GRIP1: variants seen among roughly 807,000 people sequenced by gnomAD.
GRIP1 encodes the protein glutamate receptor-interacting protein 1.
GRIP1 carries 45 observed loss-of-function variants against 129.9 expected under a neutral mutation model. That is an observed-to-expected ratio of 0.35 (90% CI 0.27 to 0.44). The LOEUF is 0.44. GRIP1 is among the 20% of genes least tolerant of loss of function. GRIP1 has a pLI of 1.00. For missense variants in GRIP1, 1,196 were observed against 1,396.8 expected (o/e 0.86, Z 2.29); for synonymous variants, 530 against 520.8 (o/e 1.02, Z -0.24).
chr12:66,723,285 T>TTCC, intron 1 of GRIP1, among the ~76,000 whole-genome samples: 1 of 22,236 alleles, frequency 4.5e-5, no homozygotes, highest in Non-Finnish European at 6.5e-5. Context: ...CCTTCCTTCC[T>TTCC]TTCTTTCTTT....
chr12:66,383,019 G>A (rs1273573319), intron 19 of GRIP1, among the ~76,000 whole-genome samples: 1 of 152,064 alleles, frequency 6.6e-6, no homozygotes, highest in Non-Finnish European at 1.5e-5. Flanking sequence ...AGTACATGGT[G>A]GGCACAGTGG....
At chr12:66,444,268 T>C (rs967285680) in intron 13 of GRIP1, among the ~76,000 whole-genome samples, 2 of 151,194 alleles carry the variant, frequency 1.3e-5, no homozygotes, top group South Asian at 2.1e-4. Flanking sequence ...GGGTGGATCA[T>C]GAGGTCAGGA....
At chr12:66,625,913 G>A (rs1156701354) in intron 1 of GRIP1, among the ~76,000 whole-genome samples, 4 of 152,104 alleles carry the variant, frequency 2.6e-5, no homozygotes, top group Non-Finnish European at 5.9e-5. Context: ...CAGAGTGGGA[G>A]AGAGGAAGCA....
intron 9 of GRIP1, among the ~76,000 whole-genome samples, chr12:66,460,209 G>A (rs546425473): frequency 3.9e-4 from 59 of 152,262 alleles, no homozygotes; most frequent in African/African-American, 1.3e-3. Context: ...CTCTTCCTAT[G>A]GGTATGTCTA....
rs748398117 is a variant in GRIP1, at chr12:66,462,913, G to T, written c.1042+11C>A. 14 of 1,609,280 alleles carry T rather than the reference G, an allele frequency of 8.7e-6. No homozygotes were observed. In the East Asian group the frequency reaches 2.7e-4, roughly 31 times the overall value. On this transcript the variant is annotated intron_variant, in intron 9 of 24. Coordinates refer to ENST00000359742, the MANE Select transcript of GRIP1 (RefSeq NM_001366722.1). ...CCAGAGAAAGAGCTTGATCCAGGTG[G>T]ACCATCTCACCATGGTCGGGCCCCT...
At chr12:66,853,915 C>A (rs532691022) in intron 1 of GRIP1, among the ~76,000 whole-genome samples, 1 of 151,996 alleles carries the variant, frequency 6.6e-6, no homozygotes, top group Admixed American at 6.6e-5. Context: ...AGAATAGATA[C>A]TAAAAATAGG....
intron 1 of GRIP1, among the ~76,000 whole-genome samples, chr12:66,612,106 T>A (rs769042260): frequency 3.3e-5 from 5 of 152,190 alleles, no homozygotes; most frequent in African/African-American, 1.2e-4. Flanking sequence ...ATATAATGCA[T>A]ATAATGACCT....
At position 66,778,434 on chromosome 12, in the gene GRIP1, G is replaced by C. The variant is rs927504859; in HGVS notation, c.-420+25619C>G. ...TATGATCCCCTACAATATTATAGTG[G>C]AAATTAAAGGAGATAAATGCATATA... On this transcript the variant is annotated intron_variant, in intron 1 of 4. Transcript: ENST00000538373. 8.5e-5 allele frequency among the ~76,000 whole-genome samples: 13 copies of C among 152,082 alleles called. 1 individual carries two copies.
At chr12:66,580,094 G>A (rs1172774002) in intron 2 of GRIP1, among the ~76,000 whole-genome samples, 2 of 148,824 alleles carry the variant, frequency 1.3e-5, no homozygotes, top group African/African-American at 5.0e-5. Context: ...GACAGTGGGG[G>A]CCAATATTCA....
At chr12:66,587,209 G>A (rs1264572184) in intron 2 of GRIP1, among the ~76,000 whole-genome samples, 1 of 152,062 alleles carries the variant, frequency 6.6e-6, no homozygotes, top group Non-Finnish European at 1.5e-5. Context: ...CTGCCTTCAG[G>A]GACTTTGCAT....
Position 67,013,206 on chromosome 12 carries a change from C to T in GRIP1, c.58+55844G>A, listed in dbSNP as rs545534231. ...ACACAATAGACTTGCCATTTCCATA[C>T]AGAAATACTTACATAAAAATAGGCA... On this transcript the variant is annotated intron_variant, in intron 1 of 1. Transcript: ENST00000643019. 4.6e-5 allele frequency among the ~76,000 whole-genome samples: 7 copies of T among 152,224 alleles called. No individual in the cohort carries two copies. In the East Asian group the frequency reaches 9.6e-4, roughly 21 times the overall value.
chr12:66,918,098 G>A (rs1174218061), intron 1 of GRIP1, among the ~76,000 whole-genome samples: 1 of 151,236 alleles, frequency 6.6e-6, no homozygotes, highest in Non-Finnish European at 1.5e-5. Context: ...AGATCTGCAA[G>A]GTAAGTTGGT....
At chr12:66,958,005 ATATT>A (rs1167748161) in intron 1 of GRIP1, among the ~76,000 whole-genome samples, 1 of 151,976 alleles carries the variant, frequency 6.6e-6, no homozygotes, top group Non-Finnish European at 1.5e-5. Flanking sequence ...ACACTCATAA[ATATT>A]TATTATATAT....
At chr12:66,799,035 G>T (rs2038782779) in intron 1 of GRIP1, among the ~76,000 whole-genome samples, 1 of 152,134 alleles carries the variant, frequency 6.6e-6, no homozygotes, top group African/African-American at 2.4e-5. Flanking sequence ...AGGGAGTCTG[G>T]CTGCTATTCC....
intron 23 of GRIP1, among the ~76,000 whole-genome samples, chr12:66,371,287 T>TAGCTG (rs1347517981): frequency 6.6e-6 from 1 of 151,808 alleles, no homozygotes; most frequent in Non-Finnish European, 1.5e-5. Context: ...ACCTCCCAAG[T>TAGCTG]AGCTGGGATT....
chr12:66,653,679 A>G (rs1382849904), intron 1 of GRIP1, among the ~76,000 whole-genome samples: 3 of 152,168 alleles, frequency 2.0e-5, no homozygotes, highest in Non-Finnish European at 2.9e-5. Context: ...TGTAAACCAC[A>G]CCCAAGATAA....
In GRIP1 at chr12:66,916,119, C is replaced by T. The variant is rs529854817; in HGVS notation, c.58+152931G>A. Reference sequence around the variant, plus strand: ...GGAGCCTATGGGTCCTAAGTATGCCCACCTCTACCCTAAATATAAAATGAT... The same window carrying T: ...GGAGCCTATGGGTCCTAAGTATGCCTACCTCTACCCTAAATATAAAATGAT... On this transcript the variant is annotated intron_variant, in intron 1 of 1. Coordinates refer to the GRIP1 transcript ENST00000643019. 2.0e-5 allele frequency among the ~76,000 whole-genome samples: 3 copies of T among 152,242 alleles called. No homozygotes were observed. The East Asian group carries it at 5.8e-4, about 29-fold the overall frequency.
At chr12:66,951,244 C>T (rs1371618457) in intron 1 of GRIP1, among the ~76,000 whole-genome samples, 2 of 152,116 alleles carry the variant, frequency 1.3e-5, no homozygotes, top group African/African-American at 4.8e-5. Flanking sequence ...TAATATTTTA[C>T]TGATATTAAC....
chr12:66,804,016 T>C (rs894751122), intron 1 of GRIP1: 7 of 428,194 alleles, frequency 1.6e-5, no homozygotes, highest in Non-Finnish European at 2.8e-5. Flanking sequence ...AGCCCCAGCA[T>C]GCGAGAAGGA....
Sources: allele counts gnomAD v4.1 joint callset (sites outside exome capture counted in the v4.1 genomes callset), GRCh38; gene constraint gnomAD v4.1.1; transcripts MANE v1.5; gene names NCBI Gene and HGNC (gene_info 2026-07-23, HGNC 2026-07-21).